The following COL9A3 variants were observed in gnomAD, a reference collection of about 807,000 sequenced individuals.
COL9A3 encodes the protein collagen alpha-3(IX) chain.
In COL9A3, 82 loss-of-function variants were observed where a neutral mutation model predicts 110.2. The ratio of observed to expected loss-of-function variants is 0.74; its 90% confidence interval spans 0.62 to 0.89. The LOEUF (loss-of-function observed/expected upper bound fraction) is 0.89, where lower values mean the gene tolerates loss of function less well. Among genes scored for constraint, COL9A3 ranks in the 40% least tolerant of loss-of-function variants. The pLI is 0.00. For synonymous variants in COL9A3, 494 were observed against 403.8 expected (o/e 1.22, Z -2.68); for missense variants, 1,066 against 981.3 (o/e 1.09, Z -1.15).
At position 62,822,596 on chromosome 20, in the gene COL9A3, C is replaced by T; in HGVS notation, c.483C>T (p.His161=). 1 of 1,612,576 alleles carries T rather than the reference C, an allele frequency of 6.2e-7. No homozygotes were observed. The highest frequency in any genetic ancestry group is 8.5e-7 in the Non-Finnish European group (1 of 1,179,966). ...GCTGTCTCTTTTTGTCTTAGGGACACCCAGGAGTCCTCCCTGAAGGCGCTA... is the reference window on the plus strand; with the variant it reads ...GCTGTCTCTTTTTGTCTTAGGGACATCCAGGAGTCCTCCCTGAAGGCGCTA... ...GPPGPPGPPG[H]PGVLPEGATD... Residue 161 remains histidine, a synonymous_variant, in exon 10 of 32, where the codon CAC becomes CAT. Transcript: ENST00000649368.
At chr20:62,825,894 T>C (rs1174312016) in intron 13 of COL9A3, 24 bp downstream of exon 13, 4 of 1,556,232 alleles carry the variant, frequency 2.6e-6, no homozygotes, top group South Asian at 1.2e-5. Context: ...GGGGTAAGGA[T>C]GGTGGGATGG....
rs775376586 is a variant in COL9A3, at chr20:62,829,761, T to C, written c.1108-5T>C. 1.3e-6 allele frequency: 2 copies of C among 1,590,726 alleles called. No homozygotes were observed. The highest frequency in any genetic ancestry group is 1.3e-5 in the African/African-American group (1 of 74,730). On this transcript the variant is annotated splice_polypyrimidine_tract_variant and splice_region_variant and intron_variant, in intron 21 of 31. Coordinates refer to ENST00000649368, the MANE Select transcript of COL9A3 (RefSeq NM_001853.4). Reference sequence around the variant, plus strand: ...GCCCTGACACCCTCCTTCCTTTCCCTGTAGGGAGATGCTGGCATGCCTGGG... The same window carrying C: ...GCCCTGACACCCTCCTTCCTTTCCCCGTAGGGAGATGCTGGCATGCCTGGG...
At chr20:62,828,720 G>A (rs1202445864) in intron 17 of COL9A3, 44 bp from the exon 18 acceptor site, 2 of 1,606,788 alleles carry the variant, frequency 1.2e-6, no homozygotes, top group Non-Finnish European at 8.5e-7. Context: ...GAGGGAGGGA[G>A]GGGGGCCACT....
chr20:62,836,428 T>C, intron 28 of COL9A3, 50 bp from the exon 29 acceptor site: 1 of 1,613,244 alleles, frequency 6.2e-7, no homozygotes, highest in Non-Finnish European at 8.5e-7. Flanking sequence ...TGGGAATGCC[T>C]CACCGAGGCT....
intron 30 of COL9A3, 64 bp from the exon 31 acceptor site, chr20:62,838,620 C>A: frequency 7.1e-7 from 1 of 1,412,012 alleles, no homozygotes; most frequent in Non-Finnish European, 9.8e-7. Context: ...GTTGATCAGA[C>A]ACCGCTGTGG....
intron 5 of COL9A3, 35 bp downstream of exon 5, chr20:62,820,017 C>T (rs1343303732): frequency 1.2e-6 from 2 of 1,610,956 alleles, no homozygotes; most frequent in East Asian, 4.5e-5. Context: ...GGCTTGGGTT[C>T]AGAGGTGAGG....
chr20:62,822,162 C>A lies in COL9A3; in HGVS notation c.475C>A (p.Pro159Thr). 1 of 1,568,394 alleles carries A rather than the reference C, an allele frequency of 6.4e-7. No individual in the cohort carries two copies. The highest frequency in any genetic ancestry group is 8.8e-7 in the Non-Finnish European group (1 of 1,139,044). The change falls in exon 9 of 32, where the codon CCT (proline) becomes ACT (threonine). Residue 159 changes from proline to threonine, a missense_variant and splice_region_variant. Physicochemically the swap from Pro to Thr is conservative, Grantham distance 38 (BLOSUM62 -1). Transcript: ENST00000649368. ...LPGPPGPPGP[P>T]GHPGVLPEGA... Reference sequence around the variant, plus strand: ...TGGTCCCCCAGGACCTCCCGGACCCCCTGTAAGTACTGGGCAGAGGCTCTA... The same window carrying A: ...TGGTCCCCCAGGACCTCCCGGACCCACTGTAAGTACTGGGCAGAGGCTCTA...
At position 62,824,474 on chromosome 20, in the gene COL9A3, A is replaced by G. The variant is rs1210997604; in HGVS notation, c.549A>G (p.Pro183=). Residue 183 remains proline (P), a synonymous_variant, in exon 11 of 32, where the codon CCA becomes CCG. Transcript: ENST00000649368. ...QCPSICPPGP[P]GPPGMPGFKG... ...CAAGTATCTGCCCGCCAGGTCCCCC[A>G]GGGCCCCCTGGAATGCCAGGGTTCA... is the stretch of plus-strand genomic sequence containing the variant. 1.9e-6 allele frequency: 3 copies of G among 1,600,846 alleles called. No homozygotes were observed. The highest frequency in any genetic ancestry group is 1.7e-5 in the Admixed American group (1 of 58,370).
intron 26 of COL9A3, among the ~76,000 whole-genome samples, chr20:62,834,769 A>G (rs1384948189): frequency 1.3e-5 from 2 of 152,024 alleles, no homozygotes; most frequent in Middle Eastern, 3.2e-3. Context: ...CAGCCTCCCG[A>G]GTAGCTGGGA....
chr20:62,829,705 C>T (rs1245522394), intron 21 of COL9A3, 24 bp downstream of exon 21: 1 of 1,603,064 alleles, frequency 6.2e-7, no homozygotes, highest in Admixed American at 1.7e-5. Context: ...GCGCCCCAGA[C>T]CCCTCCCCAT....
intron 19 of COL9A3, 25 bp downstream of exon 19, chr20:62,829,001 G>A (rs751338018): frequency 6.3e-7 from 1 of 1,579,952 alleles, no homozygotes; most frequent in South Asian, 1.1e-5. Flanking sequence ...GGTGGGGCCA[G>A]CCTGGGGCGC....
At chr20:62,835,709 A>G (rs1178643065) in intron 26 of COL9A3, among the ~76,000 whole-genome samples, 2 of 152,346 alleles carry the variant, frequency 1.3e-5, no homozygotes, top group East Asian at 1.9e-4. Context: ...CACTCTTCCC[A>G]GGAAAGTAAG....
At position 62,830,509 on chromosome 20, in the gene COL9A3, T is replaced by C; in HGVS notation, c.1216-8T>C. 1 of 1,607,740 alleles carries C rather than the reference T, an allele frequency of 6.2e-7. No individual in the cohort carries two copies. Among genetic ancestry groups the C allele is most frequent in the Non-Finnish European group, 8.5e-7 (1 of 1,178,186 alleles). On this transcript the variant is annotated splice_polypyrimidine_tract_variant and splice_region_variant and intron_variant, in intron 23 of 31. Transcript: ENST00000649368. Reference sequence around the variant, plus strand: ...TGGGCACTGACGAGCCAGGACCTCCTTCCCCAGGGCCAGAAGGGCAGCATG... The same window carrying C: ...TGGGCACTGACGAGCCAGGACCTCCCTCCCCAGGGCCAGAAGGGCAGCATG...
rs1324728770 is a variant in COL9A3 at position 62,829,807 on chromosome 20, C to CCGGG, written c.1150_1153dup (p.Gly385AlafsTer42). The stretch of plus-strand genomic sequence containing the variant: ...CTGGGGAGCGCGGTGAGGCTGGCCA[C>CCGGG]CGGGGCTCAGCGGTGAGTGCAGGGA... On this transcript the variant is annotated frameshift_variant, in exon 22 of 32. Transcript: ENST00000649368. LOFTEE classifies it high-confidence loss of function. 3 of 1,575,820 alleles carry CCGGG rather than the reference C, an allele frequency of 1.9e-6. No homozygotes were observed. The African/African-American group carries it at 4.0e-5, about 21-fold the overall frequency.
intron 29 of COL9A3, 117 bp downstream of exon 29, chr20:62,836,649 C>A (rs2063639147): frequency 8.9e-7 from 1 of 1,122,606 alleles, no homozygotes; most frequent in Non-Finnish European, 1.3e-6. Flanking sequence ...GAGCCCCTAG[C>A]ACTCACCCCG....
chr20:62,832,184 G>T lies in COL9A3; in HGVS notation c.1318G>T (p.Asp440Tyr). 6.2e-7 allele frequency: 1 copy of T among 1,612,878 alleles called. No individual in the cohort carries two copies. Among genetic ancestry groups the T allele is most frequent in the Non-Finnish European group, 8.5e-7 (1 of 1,179,760 alleles). The change falls in exon 25 of 32, where the codon GAC becomes TAC. Residue 440 changes from aspartate to tyrosine, a missense_variant. Transcript: ENST00000649368. ...GGGAGGTGCCGCAGGCCCTAAGGGA[G>T]ACCAGGTGAGCTGGGCACAGGCTGG... ...GPGGAAGPKGDQGIAGSDGLP... is the reference protein window; with the variant it reads ...GPGGAAGPKGYQGIAGSDGLP...
intron 15 of COL9A3, 95 bp from the exon 16 acceptor site, chr20:62,827,146 G>T: frequency 8.1e-7 from 1 of 1,227,022 alleles, no homozygotes; most frequent in Non-Finnish European, 1.2e-6. Context: ...CTCCTGGAGG[G>T]CTGTCCCCCG....
chr20:62,825,539 A>T (rs898241978), intron 12 of COL9A3: 52 of 564,250 alleles, frequency 9.2e-5, no homozygotes, highest in Middle Eastern at 4.8e-4. Context: ...TGCACATCAG[A>T]GGGGTCCCTG....
chr20:62,830,302 C>A (rs1400444190), intron 22 of COL9A3, 58 bp from the exon 23 acceptor site: 3 of 1,540,902 alleles, frequency 1.9e-6, no homozygotes, highest in Non-Finnish European at 2.6e-6. Context: ...TCCCTGGGGC[C>A]TCTTGGGGAC....
Sources: gnomAD v4.1 joint callset for allele counts (sites outside exome capture counted in the v4.1 genomes callset) on GRCh38, gnomAD v4.1.1 for gene constraint, MANE v1.5 for transcripts, NCBI Gene and HGNC (gene_info 2026-07-23, HGNC 2026-07-21) for gene names.